Variants in BCKDHB observed in about 807,000 individuals in gnomAD.
BCKDHB encodes the protein branched chain keto acid dehydrogenase E1 subunit beta.
In BCKDHB, 41 loss-of-function variants were observed where a neutral mutation model predicts 48.5. The ratio of observed to expected loss-of-function variants is 0.85; its 90% CI spans 0.66 to 1.10. The LOEUF is 1.10. BCKDHB is among the 50% of genes least tolerant of loss of function. BCKDHB has a pLI of 0.00. For missense variants in BCKDHB, 496 were observed against 494.2 expected (o/e 1.00, Z -0.03); for synonymous variants, 201 against 174.8 (o/e 1.15, Z -1.18).
At chr6:80,291,557 G>A (rs58820680) in intron 9 of BCKDHB, among the ~76,000 whole-genome samples, 9,420 of 152,178 alleles carry the variant, frequency 0.062, 973 homozygotes, top group African/African-American at 0.21. Flanking sequence ...CCATGAACTC[G>A]GCAACTGCTG....
intron 8 of BCKDHB, among the ~76,000 whole-genome samples, chr6:80,247,155 G>A (rs576579965): frequency 1.3e-5 from 2 of 152,304 alleles, no homozygotes; most frequent in Admixed American, 1.3e-4. Context: ...CTTAGAGAAT[G>A]TGGGTTGCAA....
At chr6:80,125,508 C>T (rs1205581862) in intron 1 of BCKDHB, among the ~76,000 whole-genome samples, 3 of 152,210 alleles carry the variant, frequency 2.0e-5, no homozygotes, top group African/African-American at 7.2e-5. Context: ...CTTTCAGACT[C>T]TCTGGACTTT....
intron 8 of BCKDHB, among the ~76,000 whole-genome samples, chr6:80,258,872 T>G (rs1777170626): frequency 6.6e-6 from 1 of 152,226 alleles, no homozygotes; most frequent in East Asian, 1.9e-4. Flanking sequence ...GGGTTATAAT[T>G]TTCTTCCAGA....
chr6:80,173,000 G>A (rs1167342740), intron 6 of BCKDHB, among the ~76,000 whole-genome samples: 4 of 152,038 alleles, frequency 2.6e-5, no homozygotes, highest in Non-Finnish European at 5.9e-5. Context: ...TAATACTTTG[G>A]ATATCCTGTG....
intron 2 of BCKDHB, among the ~76,000 whole-genome samples, chr6:80,128,887 TG>T (rs1487833207): frequency 6.6e-6 from 1 of 151,648 alleles, no homozygotes; most frequent in Admixed American, 6.6e-5. Flanking sequence ...TGTGTGTGTG[TG>T]TGTGTGTGTG....
intron 9 of BCKDHB, among the ~76,000 whole-genome samples, chr6:80,279,536 A>G (rs775272631): frequency 1.3e-5 from 2 of 151,838 alleles, no homozygotes; most frequent in Non-Finnish European, 1.5e-5. Flanking sequence ...ACACACATCA[A>G]ATTTCGTCCA....
the BCKDHB span, among the ~76,000 whole-genome samples, chr6:80,429,381 TTA>T: frequency 1.3e-5 from 2 of 152,314 alleles, no homozygotes; most frequent in Admixed American, 1.3e-4. Context: ...CATATGAAAT[TTA>T]TAATAGTTTT....
At chr6:80,245,890 A>G (rs1394188916) in intron 8 of BCKDHB, among the ~76,000 whole-genome samples, 1 of 152,196 alleles carries the variant, frequency 6.6e-6, no homozygotes, top group Non-Finnish European at 1.5e-5. Flanking sequence ...AGCCTGGGCA[A>G]TATGATGAAA....
chr6:80,226,421 C>G (rs1272564117), intron 8 of BCKDHB, among the ~76,000 whole-genome samples: 1 of 152,188 alleles, frequency 6.6e-6, no homozygotes, highest in Non-Finnish European at 1.5e-5. Flanking sequence ...AGAGAGCATG[C>G]ATTGTCTTGT....
At chr6:80,414,702 G>A in the BCKDHB span, among the ~76,000 whole-genome samples, 2 of 151,956 alleles carry the variant, frequency 1.3e-5, no homozygotes, top group African/African-American at 2.4e-5. Context: ...ATTTCCAGCC[G>A]TGTTCTTTTT....
the BCKDHB span, chr6:80,374,261 T>A: frequency 1.3e-6 from 1 of 794,728 alleles, no homozygotes; most frequent in African/African-American, 1.7e-5. Flanking sequence ...AACCCTTAAG[T>A]TCACCATTAC....
At chr6:80,446,048 G>T in the BCKDHB span, among the ~76,000 whole-genome samples, 1 of 152,206 alleles carries the variant, frequency 6.6e-6, no homozygotes, top group Non-Finnish European at 1.5e-5. Context: ...CAAGGAATGA[G>T]ATTTGTTTGG....
intron 1 of BCKDHB, among the ~76,000 whole-genome samples, chr6:80,121,477 ATTC>A (rs1199052411): frequency 1.3e-5 from 2 of 152,162 alleles, no homozygotes; most frequent in African/African-American, 4.8e-5. Flanking sequence ...TCACAAACAG[ATTC>A]TTCTTATCCA....
At chr6:80,211,678 A>G (rs2127842601) in intron 8 of BCKDHB, among the ~76,000 whole-genome samples, 1 of 152,306 alleles carries the variant, frequency 6.6e-6, no homozygotes, top group African/African-American at 2.4e-5. Context: ...TTCTTTCTCC[A>G]GCAAGCCCCT....
chr6:80,215,816 A>G (rs1297149807), intron 8 of BCKDHB, among the ~76,000 whole-genome samples: 2 of 152,046 alleles, frequency 1.3e-5, no homozygotes, highest in Admixed American at 6.6e-5. Flanking sequence ...CGATCTCCAC[A>G]CTGCAATCTC....
chr6:80,447,302 AT>A, the BCKDHB span, among the ~76,000 whole-genome samples: 2,692 of 151,968 alleles, frequency 0.018, 92 homozygotes, highest in African/African-American at 0.06. Flanking sequence ...GATACTATTT[AT>A]TTTTTGCTAC....
At chr6:80,270,697 A>C (rs764975435) in intron 8 of BCKDHB, among the ~76,000 whole-genome samples, 5 of 152,076 alleles carry the variant, frequency 3.3e-5, no homozygotes, top group Non-Finnish European at 7.4e-5. Flanking sequence ...TCATTTTGTC[A>C]AGTATCTAAC....
At chr6:80,245,458 G>C (rs1024979136) in intron 8 of BCKDHB, among the ~76,000 whole-genome samples, 10 of 152,070 alleles carry the variant, frequency 6.6e-5, no homozygotes, top group Non-Finnish European at 1.5e-4. Context: ...AGCTTTTTGA[G>C]CTTCCTTCCT....
the BCKDHB span, among the ~76,000 whole-genome samples, chr6:80,406,159 G>A: frequency 6.6e-6 from 1 of 152,132 alleles, no homozygotes; most frequent in South Asian, 2.1e-4. Flanking sequence ...ATGAATTCAT[G>A]CTTTTTCATG....
Sources: gnomAD v4.1 joint callset for allele counts (sites outside exome capture counted in the v4.1 genomes callset) on GRCh38, gnomAD v4.1.1 for gene constraint, MANE v1.5 for transcripts, NCBI Gene and HGNC (gene_info 2026-07-23, HGNC 2026-07-21) for gene names.